SDK1: variants seen among roughly 807,000 people sequenced by gnomAD.
SDK1 encodes sidekick cell adhesion molecule 1, also known as protein sidekick-1.
In SDK1, 157 loss-of-function variants were observed where a neutral mutation model predicts 245.5. The ratio of observed to expected loss-of-function variants is 0.64; its 90% CI spans 0.56 to 0.73. The LOEUF (loss-of-function observed/expected upper bound fraction) is 0.73. Ranked by LOEUF, SDK1 falls within the 30% of genes least tolerant of loss-of-function variation. SDK1 has a pLI of 0.00. For missense variants in SDK1, 3,583 were observed against 3,002.3 expected, an observed-to-expected ratio of 1.19 and a Z score of -4.52; for synonymous variants, 1,647 against 1,278.5, an observed-to-expected ratio of 1.29 and a Z score of -6.15.
At chr7:3,667,534 C>T (rs1783571825) in intron 4 of SDK1, among the ~76,000 whole-genome samples, 1 of 152,190 alleles carries the variant, frequency 6.6e-6, no homozygotes, top group South Asian at 2.1e-4. Flanking sequence ...TGTTGATCCA[C>T]TACCACAATC....
chr7:3,370,706 A>G (rs193121039), intron 1 of SDK1, among the ~76,000 whole-genome samples: 94 of 152,364 alleles, frequency 6.2e-4, no homozygotes, highest in Admixed American at 1.3e-3. Context: ...GTCTTGGACT[A>G]TATAGCACAT....
intron 1 of SDK1, among the ~76,000 whole-genome samples, chr7:3,549,703 T>G (rs1289992744): frequency 6.6e-6 from 1 of 152,208 alleles, no homozygotes; most frequent in Non-Finnish European, 1.5e-5. Context: ...ACAGAAATTG[T>G]TGAAGTTGGC....
chr7:3,673,165 G>A (rs1420108108), intron 4 of SDK1, among the ~76,000 whole-genome samples: 4 of 152,008 alleles, frequency 2.6e-5, no homozygotes, highest in African/African-American at 9.7e-5. Flanking sequence ...AGTTCCAAAG[G>A]GAATTGATTT....
chr7:3,502,380 G>A (rs1161035680), intron 1 of SDK1, among the ~76,000 whole-genome samples: 1 of 152,098 alleles, frequency 6.6e-6, no homozygotes, highest in Non-Finnish European at 1.5e-5. Flanking sequence ...CTCCCGAGTA[G>A]GTGGGATTAC....
intron 5 of SDK1, among the ~76,000 whole-genome samples, chr7:3,898,619 C>G (rs1291370041): frequency 1.3e-5 from 2 of 152,120 alleles, no homozygotes; most frequent in East Asian, 3.8e-4. Context: ...ATAACTGCAA[C>G]AAAAGAGCAG....
intron 1 of SDK1, among the ~76,000 whole-genome samples, chr7:3,496,294 C>T (rs1039493392): frequency 5.9e-5 from 9 of 152,106 alleles, no homozygotes; most frequent in African/African-American, 2.2e-4. Flanking sequence ...TATGTTTTAG[C>T]TGCTGTTATT....
At chr7:3,589,733 A>G (rs1015923108) in intron 1 of SDK1, among the ~76,000 whole-genome samples, 4 of 152,126 alleles carry the variant, frequency 2.6e-5, no homozygotes, top group African/African-American at 9.7e-5. Context: ...GCATGGGAAA[A>G]AACCACCCCC....
chr7:3,537,492 A>G, intron 1 of SDK1, among the ~76,000 whole-genome samples: 1 of 152,066 alleles, frequency 6.6e-6, no homozygotes, highest in East Asian at 1.9e-4. Context: ...TCACTTTGTC[A>G]CTCTAAGGAA....
chr7:4,049,858 G>A (rs763259720), intron 18 of SDK1, among the ~76,000 whole-genome samples: 1 of 152,176 alleles, frequency 6.6e-6, no homozygotes, highest in Non-Finnish European at 1.5e-5. Flanking sequence ...ATGGAGAAAG[G>A]ATAGTTTTCT....
At chr7:3,412,240 C>A (rs539421603) in intron 1 of SDK1, among the ~76,000 whole-genome samples, 8 of 152,214 alleles carry the variant, frequency 5.3e-5, no homozygotes, top group Non-Finnish European at 1.2e-4. Context: ...TGCCCCATTT[C>A]CTCAGCCACT....
intron 5 of SDK1, among the ~76,000 whole-genome samples, chr7:3,921,723 T>G (rs1779592248): frequency 6.6e-6 from 1 of 152,066 alleles, no homozygotes; most frequent in Non-Finnish European, 1.5e-5. Context: ...CCCAGCACTT[T>G]GGGAGGCCGA....
At chr7:4,253,706 C>T (rs1787454976) in intron 44 of SDK1, among the ~76,000 whole-genome samples, 1 of 152,130 alleles carries the variant, frequency 6.6e-6, no homozygotes, top group South Asian at 2.1e-4. Flanking sequence ...CCAGTTCTGC[C>T]ATTTGTCAGT....
At chr7:3,335,324 G>T (rs1483949892) in intron 1 of SDK1, among the ~76,000 whole-genome samples, 1 of 151,908 alleles carries the variant, frequency 6.6e-6, no homozygotes, top group Admixed American at 6.6e-5. Flanking sequence ...TATCCACCTG[G>T]CTTACCAAGT....
intron 4 of SDK1, among the ~76,000 whole-genome samples, chr7:3,727,426 C>T (rs1321384488): frequency 4.6e-5 from 7 of 152,152 alleles, no homozygotes; most frequent in Non-Finnish European, 8.8e-5. Context: ...CCAAAGCCCT[C>T]TGAATTATTT....
intron 1 of SDK1, among the ~76,000 whole-genome samples, chr7:3,378,015 G>A (rs1411643578): frequency 6.6e-6 from 1 of 152,120 alleles, no homozygotes; most frequent in African/African-American, 2.4e-5. Flanking sequence ...CTGGGCTCAA[G>A]TGATCCGCCT....
intron 14 of SDK1, among the ~76,000 whole-genome samples, chr7:3,996,579 T>G (rs943155704): frequency 6.6e-6 from 1 of 152,224 alleles, no homozygotes; most frequent in Admixed American, 6.5e-5. Context: ...TTTGTCAAGG[T>G]TGTCCTGAGA....
At chr7:3,632,769 A>G (rs1017966917) in intron 2 of SDK1, among the ~76,000 whole-genome samples, 3 of 152,336 alleles carry the variant, frequency 2.0e-5, no homozygotes, top group East Asian at 3.9e-4. Flanking sequence ...CCTAGGGCCT[A>G]TTAGTGAGCT....
intron 22 of SDK1, among the ~76,000 whole-genome samples, chr7:4,092,114 A>G (rs1299897301): frequency 6.6e-6 from 1 of 152,202 alleles, no homozygotes; most frequent in Non-Finnish European, 1.5e-5. Flanking sequence ...GAAGTCTTTT[A>G]GGTCATGTTC....
intron 5 of SDK1, among the ~76,000 whole-genome samples, chr7:3,862,245 C>T (rs573167542): frequency 6.6e-6 from 1 of 152,284 alleles, no homozygotes; most frequent in Admixed American, 6.5e-5. Flanking sequence ...ACACTCAGAC[C>T]AATTACATCA....
Sources: gnomAD v4.1 joint callset for allele counts (sites outside exome capture counted in the v4.1 genomes callset) on GRCh38, gnomAD v4.1.1 for gene constraint, MANE v1.5 for transcripts, NCBI Gene and HGNC (gene_info 2026-07-23, HGNC 2026-07-21) for gene names.